Variants in PLCL2 observed in about 807,000 individuals in gnomAD.
PLCL2 encodes phospholipase C like 2.
In PLCL2, 4 loss-of-function variants were observed where a neutral mutation model predicts 79.6. The ratio of observed to expected loss-of-function variants is 0.05; its 90% CI spans 0.02 to 0.11. The LOEUF (loss-of-function observed/expected upper bound fraction) is 0.11. Ranked by LOEUF, PLCL2 falls within the 10% of genes least tolerant of loss-of-function variation. PLCL2 has a pLI of 1.00. For synonymous variants in PLCL2, 484 were observed against 457.7 expected, an observed-to-expected ratio of 1.06 and a Z score of -0.73; for missense variants, 895 against 1,291.0, an observed-to-expected ratio of 0.69 and a Z score of 4.70.
chr3:17,008,488 G>A (rs1046512898), intron 1 of PLCL2, among the ~76,000 whole-genome samples: 5 of 151,934 alleles, frequency 3.3e-5, no homozygotes, highest in East Asian at 3.9e-4. Context: ...TACATCCTCC[G>A]TCACATGGAG....
At chr3:17,042,223 T>C (rs1377904815) in intron 3 of PLCL2, among the ~76,000 whole-genome samples, 3 of 152,132 alleles carry the variant, frequency 2.0e-5, no homozygotes, top group African/African-American at 7.2e-5. Context: ...TTTTGGTGAG[T>C]AAAATAATGG....
At chr3:16,951,026 C>T (rs1289298615) in intron 1 of PLCL2, among the ~76,000 whole-genome samples, 1 of 152,074 alleles carries the variant, frequency 6.6e-6, no homozygotes, top group East Asian at 1.9e-4. Flanking sequence ...CACATGACAG[C>T]CTCTCTTCCA....
chr3:16,905,537 T>C lies in PLCL2; in HGVS notation c.327+20171T>C, dbSNP rs371512649. Among the ~76,000 whole-genome samples the C allele has an allele frequency of 2.6e-5, 4 of 152,176 alleles. No homozygotes were observed. The East Asian group carries it at 5.8e-4, about 22-fold the overall frequency. On this transcript the variant is annotated intron_variant, in intron 1 of 5. Coordinates refer to ENST00000615277, the MANE Select transcript of PLCL2 (RefSeq NM_001144382.2). ...CAGCCAGTTGATTTTTGCATTTAAA[T>C]GAGAGTGAGAAGTATAATTATTTAC... is the stretch of plus-strand genomic sequence containing the variant.
At chr3:17,061,705 A>G (rs1380895371) in intron 4 of PLCL2, among the ~76,000 whole-genome samples, 4 of 152,218 alleles carry the variant, frequency 2.6e-5, no homozygotes, top group Non-Finnish European at 4.4e-5. Context: ...GTTTCTTTAT[A>G]TAAAAATTCA....
Position 17,054,127 on chromosome 3 carries a change from C to G in PLCL2, c.3094+11178C>G, listed in dbSNP as rs1039735640. 2.6e-5 allele frequency among the ~76,000 whole-genome samples: 4 copies of G among 152,254 alleles called. No individual in the cohort carries two copies. The East Asian group carries it at 7.7e-4, about 29-fold the overall frequency. Reference sequence around the variant, plus strand: ...AAGCAGCCAGGCTACATCTTGAACACTTTGCTGCTTAGGAATTTCTTCTGC... The same window carrying G: ...AAGCAGCCAGGCTACATCTTGAACAGTTTGCTGCTTAGGAATTTCTTCTGC... On this transcript the variant is annotated intron_variant, in intron 4 of 5. Transcript: ENST00000615277.
intron 1 of PLCL2, among the ~76,000 whole-genome samples, chr3:16,954,059 G>A (rs376678271): frequency 5.3e-5 from 8 of 151,994 alleles, no homozygotes; most frequent in Non-Finnish European, 8.8e-5. Flanking sequence ...AAGTTTTAGG[G>A]TACATGTGCA....
chr3:17,028,900 A>T (rs1001683608), intron 3 of PLCL2, among the ~76,000 whole-genome samples: 1 of 152,184 alleles, frequency 6.6e-6, no homozygotes, highest in African/African-American at 2.4e-5. Flanking sequence ...ATTTTTGGTG[A>T]ATGAATGAAA....
chr3:17,012,211 T>C, intron 2 of PLCL2, 51 bp downstream of exon 2: 1 of 1,485,906 alleles, frequency 6.7e-7, no homozygotes, highest in South Asian at 1.4e-5. Flanking sequence ...ACTTTGTACA[T>C]GTCCATAGTT....
intron 1 of PLCL2, among the ~76,000 whole-genome samples, chr3:16,902,044 G>A (rs567001517): frequency 6.6e-6 from 1 of 152,228 alleles, no homozygotes. Flanking sequence ...GCTCAGATTT[G>A]CCCTCTGAGC....
intron 1 of PLCL2, among the ~76,000 whole-genome samples, chr3:16,890,424 G>T (rs1696318354): frequency 6.6e-6 from 1 of 152,168 alleles, no homozygotes; most frequent in East Asian, 1.9e-4. Flanking sequence ...AAACTAGAAT[G>T]TTATTTACTT....
rs999852875 is a variant in PLCL2 at position 17,090,417 on chromosome 3, G to C, written c.*505G>C. 9.1e-5 allele frequency: 21 copies of C among 231,616 alleles called. No individual in the cohort carries two copies. The highest frequency in any genetic ancestry group is 4.0e-4 in the African/African-American group (17 of 42,858). The allele number at this position is 231,616 out of a possible 1,614,324, so 14.3% of individuals were successfully genotyped here. On this transcript the variant is annotated 3_prime_UTR_variant, in exon 6 of 6. Coordinates refer to ENST00000615277, the MANE Select transcript of PLCL2 (RefSeq NM_001144382.2). ...TGGACGGGTTCCCTGAATCCCCGGG[G>C]TCCTTGGAGAGCCATCGAGGAGAAT...
intron 4 of PLCL2, among the ~76,000 whole-genome samples, chr3:17,066,881 A>G (rs1042403297): frequency 1.3e-5 from 2 of 152,234 alleles, no homozygotes; most frequent in East Asian, 3.8e-4. Flanking sequence ...GAGAAACAAT[A>G]CAATAAAAAA....
chr3:17,005,975 T>C (rs960405381), intron 1 of PLCL2, among the ~76,000 whole-genome samples: 6 of 152,198 alleles, frequency 3.9e-5, no homozygotes, highest in South Asian at 2.1e-4. Flanking sequence ...TATACTATTT[T>C]TTAAAAGTAT....
intron 1 of PLCL2, among the ~76,000 whole-genome samples, chr3:16,920,028 C>T (rs1299069735): frequency 6.6e-6 from 1 of 152,130 alleles, no homozygotes; most frequent in Non-Finnish European, 1.5e-5. Flanking sequence ...ATTTTATTTT[C>T]CTGACTGCCT....
intron 1 of PLCL2, among the ~76,000 whole-genome samples, chr3:16,983,338 C>T (rs919239503): frequency 3.3e-5 from 5 of 152,156 alleles, no homozygotes; most frequent in Admixed American, 6.5e-5. Context: ...AATAAAGTCA[C>T]CCATATGGGA....
intron 1 of PLCL2, among the ~76,000 whole-genome samples, chr3:16,897,988 C>A (rs1052257173): frequency 1.4e-5 from 2 of 144,736 alleles, no homozygotes; most frequent in African/African-American, 5.5e-5. Flanking sequence ...TTTTTTAGGT[C>A]ATTTTTTTTT....
intron 5 of PLCL2, among the ~76,000 whole-genome samples, chr3:17,087,719 G>C (rs1008911429): frequency 3.3e-5 from 5 of 152,162 alleles, no homozygotes; most frequent in African/African-American, 1.2e-4. Context: ...GCGGGATGTG[G>C]CTACTAGAGA....
At chr3:16,946,330 T>C (rs2063600207) in intron 1 of PLCL2, among the ~76,000 whole-genome samples, 1 of 151,980 alleles carries the variant, frequency 6.6e-6, no homozygotes, top group South Asian at 2.1e-4. Flanking sequence ...GTTTCCAGTC[T>C]TCGTTCTCCT....
chr3:16,999,705 A>G (rs1378791204), intron 1 of PLCL2, among the ~76,000 whole-genome samples: 1 of 152,174 alleles, frequency 6.6e-6, no homozygotes, highest in African/African-American at 2.4e-5. Context: ...AAACTATTGA[A>G]TTATTTTGTT....
Sources: gnomAD v4.1 joint callset for allele counts (sites outside exome capture counted in the v4.1 genomes callset) on GRCh38, gnomAD v4.1.1 for gene constraint, MANE v1.5 for transcripts, NCBI Gene and HGNC (gene_info 2026-07-23, HGNC 2026-07-21) for gene names.